Variants in PRR16 observed in about 807,000 individuals in gnomAD.
PRR16 encodes the protein proline rich 16.
A neutral mutation model predicts 18.2 loss-of-function variants in PRR16; 6 were observed. The ratio of observed to expected loss-of-function variants is 0.33; its 90% CI spans 0.18 to 0.65. The LOEUF (loss-of-function observed/expected upper bound fraction) is 0.65, where lower values mean the gene tolerates loss of function less well. PRR16 is among the 30% of genes least tolerant of loss of function. The pLI is 0.74. For missense variants in PRR16, 412 were observed against 376.6 expected (o/e 1.09, Z -0.78); for synonymous variants, 151 against 147.8 (o/e 1.02, Z -0.16).
At chr5:120,638,760 G>A (rs1755329077) in intron 1 of PRR16, among the ~76,000 whole-genome samples, 1 of 151,922 alleles carries the variant, frequency 6.6e-6, no homozygotes, top group Admixed American at 6.6e-5. Context: ...CACAGCCTAT[G>A]GCGTGATGAT....
the PRR16 span, among the ~76,000 whole-genome samples, chr5:120,743,975 TC>T: frequency 6.6e-6 from 1 of 152,130 alleles, no homozygotes; most frequent in African/African-American, 2.4e-5. Context: ...ATATTTGTCT[TC>T]TTATACTTCA....
intron 1 of PRR16, among the ~76,000 whole-genome samples, chr5:120,505,364 G>A (rs796415870): frequency 8.6e-5 from 13 of 151,478 alleles, no homozygotes; most frequent in African/African-American, 2.9e-4. Context: ...ACAGGGCAGG[G>A]AATAGGTTGC....
chr5:120,735,527 G>A, the PRR16 span, among the ~76,000 whole-genome samples: 3 of 152,124 alleles, frequency 2.0e-5, no homozygotes, highest in Non-Finnish European at 4.4e-5. Context: ...AGGTATAAGT[G>A]AGAGCTTATG....
the PRR16 span, among the ~76,000 whole-genome samples, chr5:120,791,635 C>CATTT: frequency 7.0e-6 from 1 of 142,576 alleles, no homozygotes; most frequent in African/African-American, 2.6e-5. Context: ...ATCCATCTAT[C>CATTT]ATCTATCTAT....
intron 1 of PRR16, among the ~76,000 whole-genome samples, chr5:120,478,360 C>T (rs1416207046): frequency 1.3e-5 from 2 of 152,142 alleles, no homozygotes; most frequent in East Asian, 1.9e-4. Context: ...TCTTGTTTCT[C>T]CTACTTTGAT....
At chr5:120,774,086 A>G in the PRR16 span, among the ~76,000 whole-genome samples, 1 of 152,018 alleles carries the variant, frequency 6.6e-6, no homozygotes, top group African/African-American at 2.4e-5. Context: ...TCCTGTTGCT[A>G]TGAAAATATC....
chr5:120,611,926 G>A (rs1180422495), intron 1 of PRR16, among the ~76,000 whole-genome samples: 2 of 152,308 alleles, frequency 1.3e-5, no homozygotes, highest in East Asian at 3.9e-4. Flanking sequence ...ACCAGCTGGT[G>A]AGAGCAGCCA....
At chr5:120,721,090 T>C in the PRR16 span, among the ~76,000 whole-genome samples, 1 of 152,112 alleles carries the variant, frequency 6.6e-6, no homozygotes, top group Admixed American at 6.6e-5. Context: ...CACATGTAAG[T>C]GTATGCTCCA....
the PRR16 span, among the ~76,000 whole-genome samples, chr5:120,771,339 C>T: frequency 7.0e-4 from 107 of 152,120 alleles, no homozygotes; most frequent in African/African-American, 2.4e-3. Flanking sequence ...TTAGCAACAA[C>T]CCAAACACAT....
intron 1 of PRR16, among the ~76,000 whole-genome samples, chr5:120,563,635 A>G (rs1234364098): frequency 1.3e-5 from 2 of 152,174 alleles, no homozygotes; most frequent in Non-Finnish European, 2.9e-5. Context: ...ACCATGGGCC[A>G]GTGTGACCTC....
the PRR16 span, among the ~76,000 whole-genome samples, chr5:120,723,792 A>C: frequency 6.6e-6 from 1 of 151,970 alleles, no homozygotes; most frequent in African/African-American, 2.4e-5. Flanking sequence ...TTATTTAGTT[A>C]GGACTTTTTC....
At chr5:120,622,924 A>G (rs754548337) in intron 1 of PRR16, among the ~76,000 whole-genome samples, 1 of 152,194 alleles carries the variant, frequency 6.6e-6, no homozygotes, top group Non-Finnish European at 1.5e-5. Context: ...GAAACAATGC[A>G]GTAGGGAGAG....
chr5:120,665,675 T>C (rs1197335400), intron 1 of PRR16, among the ~76,000 whole-genome samples: 1 of 152,156 alleles, frequency 6.6e-6, no homozygotes, highest in Non-Finnish European at 1.5e-5. Context: ...TTTCTACGTA[T>C]GGCTAGCCAG....
chr5:120,712,567 T>C, the PRR16 span, among the ~76,000 whole-genome samples: 2 of 152,124 alleles, frequency 1.3e-5, no homozygotes, highest in Non-Finnish European at 2.9e-5. Context: ...GATAAGGGTG[T>C]ATAAATATAT....
intron 1 of PRR16, among the ~76,000 whole-genome samples, chr5:120,612,509 A>T (rs1754368222): frequency 1.3e-5 from 2 of 152,184 alleles, no homozygotes; most frequent in South Asian, 4.1e-4. Context: ...TATTCTCGTG[A>T]CGGTGAATAA....
At chr5:120,486,422 G>A (rs188553041) in intron 1 of PRR16, among the ~76,000 whole-genome samples, 10 of 149,588 alleles carry the variant, frequency 6.7e-5, no homozygotes, top group Non-Finnish European at 1.2e-4. Flanking sequence ...ATTTTTTCAT[G>A]GGTCTGTTGG....
intron 1 of PRR16, among the ~76,000 whole-genome samples, chr5:120,555,278 C>T (rs758671023): frequency 6.6e-6 from 1 of 151,824 alleles, no homozygotes; most frequent in African/African-American, 2.4e-5. Flanking sequence ...TGAAAAGAAT[C>T]GAGCACTGTT....
the PRR16 span, among the ~76,000 whole-genome samples, chr5:120,757,888 C>G: frequency 6.6e-6 from 1 of 151,986 alleles, no homozygotes; most frequent in African/African-American, 2.4e-5. Flanking sequence ...TATTCATAAC[C>G]ATTCTATGAA....
At chr5:120,481,034 A>G in intron 1 of PRR16, 1 of 957,796 alleles carries the variant, frequency 1.0e-6, no homozygotes, top group South Asian at 2.1e-5. Flanking sequence ...GACTTGAAGT[A>G]TTTTTCAATA....
Sources: allele counts gnomAD v4.1 joint callset (sites outside exome capture counted in the v4.1 genomes callset), GRCh38; gene constraint gnomAD v4.1.1; transcripts MANE v1.5; gene names NCBI Gene and HGNC (gene_info 2026-07-23, HGNC 2026-07-21).